Variants in ANKRD53 observed in about 807,000 individuals in gnomAD.
ANKRD53 encodes the protein ankyrin repeat domain 53, also known as ankyrin repeat domain-containing protein 53.
ANKRD53 carries 27 observed loss-of-function variants against 30.1 expected under a neutral mutation model. That is an observed-to-expected ratio of 0.90 (90% CI 0.66 to 1.24). ANKRD53 has a LOEUF of 1.24. Ranked by LOEUF, ANKRD53 falls within the 50% of genes most tolerant of loss-of-function variation. ANKRD53 has a pLI of 0.00. For synonymous variants in ANKRD53, 286 were observed against 295.4 expected, an observed-to-expected ratio of 0.97 and a Z score of 0.33; for missense variants, 682 against 721.0, an observed-to-expected ratio of 0.95 and a Z score of 0.62.
chr2:70,981,656 G>A lies in ANKRD53; in HGVS notation c.618-280G>A, dbSNP rs1670012164. On this transcript the variant is annotated intron_variant, in intron 3 of 5. Coordinates refer to ENST00000360589, the MANE Select transcript of ANKRD53 (RefSeq NM_001115116.2). The stretch of plus-strand genomic sequence containing the variant: ...GGGCAGGGGGCTGGTTGGTTTAAGA[G>A]TGGATGAGGTTAGTGGTCTCTGAAC... Among the ~76,000 whole-genome samples, 4 of 152,208 alleles carry A rather than the reference G, an allele frequency of 2.6e-5. No individual in the cohort carries two copies. The South Asian group carries it at 8.3e-4, about 32-fold the overall frequency.
At position 70,985,225 on chromosome 2, in the gene ANKRD53, C is replaced by A. The variant is rs782592854; in HGVS notation, c.1518C>A (p.Phe506Leu). ...DTLAMNLRDT[F>L]DEAFLAAVRS... ...TGGCCATGAACCTGCGTGACACATT[C>A]GATGAAGCCTTCCTGGCAGCTGTGC... The change falls in exon 6 of 6, where the codon TTC (phenylalanine) becomes TTA (leucine). Residue 506 changes from phenylalanine to leucine, a missense_variant. Transcript: ENST00000360589. The A allele has an allele frequency of 5.8e-6, 9 of 1,551,492 alleles. No individual in the cohort carries two copies.
At position 70,985,073 on chromosome 2, in the gene ANKRD53, C is replaced by A; in HGVS notation, c.1366C>A (p.Leu456Met). 6.4e-7 allele frequency: 1 copy of A among 1,550,456 alleles called. No individual in the cohort carries two copies. Residue 456 changes from leucine to methionine, a missense_variant, in exon 6 of 6, where the codon CTG (leucine) becomes ATG (methionine). By Grantham distance (15) the Leu-to-Met change is conservative. Coordinates refer to ENST00000360589, the MANE Select transcript of ANKRD53 (RefSeq NM_001115116.2). Reference sequence around the variant, plus strand: ...GCCGCGGCTGCCTTTTGAGGTGCTGCTGCGCATGCTGTACCCACGTGTATG... The same window carrying A: ...GCCGCGGCTGCCTTTTGAGGTGCTGATGCGCATGCTGTACCCACGTGTATG... ...PVPRLPFEVLLRMLYPRVWPY... is the reference protein window; with the variant it reads ...PVPRLPFEVLMRMLYPRVWPY...
intron 3 of ANKRD53, among the ~76,000 whole-genome samples, chr2:70,980,420 C>A (rs575139601): frequency 5.3e-5 from 8 of 152,202 alleles, no homozygotes; most frequent in African/African-American, 1.7e-4. Context: ...AGTCACTCAA[C>A]CTCTATGCCC....
In ANKRD53 at chr2:70,982,736, T is replaced by A. The variant is rs1553423908; in HGVS notation, c.903+39T>A. ...CAGGGGGGCCAGGGGACAGCTGCTA[T>A]CCAGGCATGTGAGCAGAGGGGGCAG... On this transcript the variant is annotated intron_variant, in intron 5 of 5. Transcript: ENST00000360589. This position sits in a 1 kb window ranked among gnomAD's most constrained non-coding sequence, Gnocchi z 4.2. 13 of 1,608,320 alleles carry A rather than the reference T, an allele frequency of 8.1e-6. No homozygotes were observed. Among genetic ancestry groups the A allele is most frequent in the Non-Finnish European group, 1.1e-5 (13 of 1,176,756 alleles).
Position 70,982,489 on chromosome 2 carries a change from C to A in ANKRD53, c.783-88C>A, listed in dbSNP as rs1480663011. ...CTCTGGCCACTCCCCTCATCCCCAT[C>A]CAAGCCCTCAGCAGCAGCCAGTCTT... On this transcript the variant is annotated intron_variant, in intron 4 of 5. Transcript: ENST00000360589. This position sits in a 1 kb window ranked among gnomAD's most constrained non-coding sequence, Gnocchi z 4.2. 1 of 1,566,256 alleles carries A rather than the reference C, an allele frequency of 6.4e-7. No homozygotes were observed. The highest frequency in any genetic ancestry group is 1.3e-5 in the African/African-American group (1 of 74,302).
At chr2:70,979,909 ACAGCC>A in intron 3 of ANKRD53, 49 bp downstream of exon 3, 1 of 1,607,432 alleles carries the variant, frequency 6.2e-7, no homozygotes, top group African/African-American at 1.3e-5. Flanking sequence ...AGGCACGGGC[ACAGCC>A]CTACTTCCAG....
In ANKRD53 at chr2:70,979,564, G is replaced by A. The variant is rs1293792773; in HGVS notation, c.418-97G>A. 4.9e-6 allele frequency: 7 copies of A among 1,429,478 alleles called. No individual in the cohort carries two copies. In the South Asian group the frequency reaches 6.8e-5, roughly 14 times the overall value. 88.5% of individuals were successfully genotyped at this position (1,429,478 alleles called of 1,614,324 possible). A position where few individuals can be genotyped will look rare whatever the true frequency, so the allele number is the denominator to read the frequency against. The stretch of plus-strand genomic sequence containing the variant: ...GTGTGAGCATTCCTGGGGACACAGG[G>A]AAGAAAGTGAAGGTAACCCCAATAA... On this transcript the variant is annotated intron_variant, in intron 2 of 5. Coordinates refer to ENST00000360589, the MANE Select transcript of ANKRD53 (RefSeq NM_001115116.2).
chr2:70,984,167 C>T (rs1670098885), intron 5 of ANKRD53: 4 of 1,614,198 alleles, frequency 2.5e-6, no homozygotes, highest in Non-Finnish European at 3.4e-6. Context: ...TTTCCCCCAT[C>T]ACACCAGAGA....
Position 70,979,236 on chromosome 2 carries a change from A to ACGGCGAT in ANKRD53, c.314_320dup (p.Ser108AspfsTer69), listed in dbSNP as rs782574500. Reference sequence around the variant, plus strand: ...GTCCGACCAGACGGCAATCGACCAGACGGCGATCGGGAGCTACTACCAGCT... The same window carrying ACGGCGAT: ...GTCCGACCAGACGGCAATCGACCAGACGGCGATCGGCGATCGGGAGCTACTACCAGCT... On this transcript the variant is annotated frameshift_variant, in exon 2 of 6. Coordinates refer to ENST00000360589, the MANE Select transcript of ANKRD53 (RefSeq NM_001115116.2). LOFTEE classifies it high-confidence loss of function. 35 of 1,613,310 alleles carry ACGGCGAT rather than the reference A, an allele frequency of 2.2e-5. No homozygotes were observed. The highest frequency in any genetic ancestry group is 2.9e-5 in the Non-Finnish European group (34 of 1,179,980).
intron 3 of ANKRD53, among the ~76,000 whole-genome samples, chr2:70,981,052 G>T (rs1345359233): frequency 6.6e-6 from 1 of 152,210 alleles, no homozygotes; most frequent in Non-Finnish European, 1.5e-5. Flanking sequence ...AGATCCCCAG[G>T]TGCTTCTAAC....
rs2104863193 is a variant in ANKRD53, at chr2:70,984,787, C to T, written c.1080C>T (p.Arg360=). The T allele has an allele frequency of 6.4e-7, 1 of 1,559,956 alleles. No individual in the cohort carries two copies. The highest frequency in any genetic ancestry group is 1.2e-5 in the South Asian group (1 of 85,680). ...GCTTCCACCCCTCTGTGGATGCACG[C>T]CTGCAATGCATTCCACAGCCCACGG... ...SRSFHPSVDA[R]LQCIPQPTEM... Residue 360 remains arginine, a synonymous_variant, in exon 6 of 6, where the codon CGC becomes CGT. Coordinates refer to ENST00000360589, the MANE Select transcript of ANKRD53 (RefSeq NM_001115116.2).
chr2:70,981,365 G>T (rs1558688190), intron 3 of ANKRD53, among the ~76,000 whole-genome samples: 3 of 152,074 alleles, frequency 2.0e-5, no homozygotes, highest in Non-Finnish European at 4.4e-5. Context: ...ACGGGGTGAT[G>T]GTGTAGGGGG....
At chr2:70,981,369 T>C (rs1391921353) in intron 3 of ANKRD53, among the ~76,000 whole-genome samples, 1 of 151,284 alleles carries the variant, frequency 6.6e-6, no homozygotes, top group East Asian at 1.9e-4. Context: ...GGTGATGGTG[T>C]AGGGGGTAAA....
At position 70,982,217 on chromosome 2, in the gene ANKRD53, G is replaced by T. The variant is rs1463977243; in HGVS notation, c.782+117G>T. The T allele has an allele frequency of 2.4e-6, 3 of 1,243,428 alleles. No homozygotes were observed. In the African/African-American group the frequency reaches 4.6e-5, roughly 19 times the overall value. 77.0% of individuals were successfully genotyped at this position (1,243,428 alleles called of 1,614,324 possible). On this transcript the variant is annotated intron_variant, in intron 4 of 5. Transcript: ENST00000360589. The surrounding 1 kb of genome is among the most constrained non-coding windows in gnomAD (Gnocchi z 4.2). Reference sequence around the variant, plus strand: ...GGGAGGGTTGGGAAGCCAGACAGCTGGAGGATGCGCCTACTGCCCAGGATA... The same window carrying T: ...GGGAGGGTTGGGAAGCCAGACAGCTTGAGGATGCGCCTACTGCCCAGGATA...
At position 70,985,003 on chromosome 2, in the gene ANKRD53, C is replaced by T. The variant is rs782151063; in HGVS notation, c.1296C>T (p.Gly432=). The change falls in exon 6 of 6, where the codon GGC becomes GGT. Residue 432 remains glycine (G), a synonymous_variant. Coordinates refer to ENST00000360589, the MANE Select transcript of ANKRD53 (RefSeq NM_001115116.2). Reference sequence around the variant, plus strand: ...TGGAGGTGAGGCCTGATGGGCACGGCGGTGCGCGGCTGCACACAGTGGACG... The same window carrying T: ...TGGAGGTGAGGCCTGATGGGCACGGTGGTGCGCGGCTGCACACAGTGGACG... ...SFLEVRPDGH[G]GARLHTVDGH... 51 of 1,548,584 alleles carry T rather than the reference C, an allele frequency of 3.3e-5. No individual in the cohort carries two copies. The highest frequency in any genetic ancestry group is 4.1e-5 in the Non-Finnish European group (47 of 1,146,340).
chr2:70,980,337 AAG>A (rs1553423380), intron 3 of ANKRD53, among the ~76,000 whole-genome samples: 3 of 150,674 alleles, frequency 2.0e-5, no homozygotes, highest in African/African-American at 7.4e-5. Context: ...AAAAAAAAAA[AAG>A]ATTGGCCTTT....
At chr2:70,979,061 G>A in intron 1 of ANKRD53, 36 bp from the exon 2 acceptor site, 3 of 1,529,448 alleles carry the variant, frequency 2.0e-6, no homozygotes, top group South Asian at 2.5e-5. Flanking sequence ...CCCGGGCCGT[G>A]GCCCAGAGTC....
rs782416104 is a variant in ANKRD53, at chr2:70,984,566, G to A, written c.904-45G>A. The A allele has an allele frequency of 1.9e-6, 3 of 1,595,122 alleles. No individual in the cohort carries two copies. The East Asian group carries it at 6.7e-5, about 36-fold the overall frequency. On this transcript the variant is annotated intron_variant, in intron 5 of 5. Transcript: ENST00000360589. ...CAGGACCTCCTTGCCCAGAAGCAGAGGGCAGCAGTCCTCCATGACTCTCTT... is the reference window on the plus strand; with the variant it reads ...CAGGACCTCCTTGCCCAGAAGCAGAAGGCAGCAGTCCTCCATGACTCTCTT...
chr2:70,982,605 G>T lies in ANKRD53; in HGVS notation c.811G>T (p.Asp271Tyr), dbSNP rs1250433589. 1.9e-6 allele frequency: 3 copies of T among 1,614,152 alleles called. No individual in the cohort carries two copies. The highest frequency in any genetic ancestry group is 2.2e-5 in the South Asian group (2 of 91,080). ...RFLKDAMWKKDKKDFAREMTK... is the reference protein window; with the variant it reads ...RFLKDAMWKKYKKDFAREMTK... ...CTTGAAGGATGCCATGTGGAAAAAG[G>T]ACAAGAAGGACTTTGCCCGTGAGAT... Residue 271 changes from aspartate (D) to tyrosine (Y), a missense_variant, in exon 5 of 6, where the codon GAC (aspartate) becomes TAC (tyrosine). Asp to Tyr is a radical substitution (Grantham distance 160). Coordinates refer to ENST00000360589, the MANE Select transcript of ANKRD53 (RefSeq NM_001115116.2). This position sits in a 1 kb window ranked among gnomAD's most constrained non-coding sequence, Gnocchi z 4.2.
Sources: gnomAD v4.1 joint callset for allele counts (sites outside exome capture counted in the v4.1 genomes callset) on GRCh38, gnomAD v4.1.1 for gene constraint, Gnocchi (gnomAD v3.1) non-coding constraint, MANE v1.5 for transcripts, NCBI Gene and HGNC (gene_info 2026-07-23, HGNC 2026-07-21) for gene names.